Variants in BABAM2 observed in about 807,000 individuals in gnomAD.
The protein encoded by BABAM2 is BRISC and BRCA1-A complex member 2.
Under a neutral mutation model 54.7 loss-of-function variants are expected in BABAM2, and 31 were observed. The ratio of observed to expected loss-of-function variants is 0.57; its 90% CI spans 0.43 to 0.77. The LOEUF (loss-of-function observed/expected upper bound fraction) is 0.77, where lower values mean the gene tolerates loss of function less well. Among genes scored for constraint, BABAM2 ranks in the 30% least tolerant of loss-of-function variants. BABAM2 has a pLI of 0.00. For missense variants in BABAM2, 364 were observed against 455.8 expected (o/e 0.80, Z 1.83); for synonymous variants, 167 against 162.9 (o/e 1.03, Z -0.19).
intron 7 of BABAM2, among the ~76,000 whole-genome samples, chr2:28,175,618 T>C (rs545737723): frequency 6.6e-6 from 1 of 152,368 alleles, no homozygotes; most frequent in South Asian, 2.1e-4. Flanking sequence ...CAGCCACTGC[T>C]AACACAAATG....
intron 6 of BABAM2, among the ~76,000 whole-genome samples, chr2:28,062,557 A>G (rs1199058222): frequency 5.7e-5 from 7 of 123,096 alleles, no homozygotes; most frequent in African/African-American, 2.0e-4. Context: ...GCAAGACTCC[A>G]TCTCAAAAAA....
chr2:28,150,963 A>T (rs1671973652), intron 7 of BABAM2, among the ~76,000 whole-genome samples: 1 of 152,204 alleles, frequency 6.6e-6, no homozygotes, highest in African/African-American at 2.4e-5. Flanking sequence ...AGGGAACCTA[A>T]AGTTAATAGC....
chr2:28,287,742 G>A (rs1686944734), intron 10 of BABAM2, among the ~76,000 whole-genome samples: 1 of 152,156 alleles, frequency 6.6e-6, no homozygotes, highest in Non-Finnish European at 1.5e-5. Context: ...CAGGCCCGAG[G>A]AAATGAGAAT....
chr2:28,186,874 C>T (rs931547021), intron 7 of BABAM2, among the ~76,000 whole-genome samples: 3 of 150,922 alleles, frequency 2.0e-5, no homozygotes, highest in East Asian at 1.9e-4. Context: ...GGCATGATCT[C>T]GGCTCACTGC....
intron 6 of BABAM2, among the ~76,000 whole-genome samples, chr2:28,100,155 A>C (rs1666954730): frequency 6.6e-6 from 1 of 152,124 alleles, no homozygotes; most frequent in Admixed American, 6.5e-5. Flanking sequence ...AGTTTTCTTA[A>C]GATGGCTGCC....
At position 28,018,096 on chromosome 2, in the gene BABAM2, G is replaced by A. The variant is rs572714910; in HGVS notation, c.301-7130G>A. ...TGAGATTGGTACATCCATCACACACGCAGTGTACACTGTGCCCAACGTGTA... is the reference window on the plus strand; with the variant it reads ...TGAGATTGGTACATCCATCACACACACAGTGTACACTGTGCCCAACGTGTA... On this transcript the variant is annotated intron_variant, in intron 4 of 11. Coordinates refer to ENST00000379624, the MANE Select transcript of BABAM2 (RefSeq NM_199191.3). Among the ~76,000 whole-genome samples, 77 of 152,286 alleles carry A rather than the reference G, an allele frequency of 5.1e-4. 4 individuals carry two copies. The South Asian group carries it at 0.015, about 29-fold the overall frequency.
chr2:28,067,971 G>A (rs906123882), intron 6 of BABAM2, among the ~76,000 whole-genome samples: 3 of 151,642 alleles, frequency 2.0e-5, no homozygotes, highest in African/African-American at 4.8e-5. Context: ...TAATATATGC[G>A]TGTATGTAAA....
chr2:28,317,100 C>A (rs1298903972), intron 11 of BABAM2, among the ~76,000 whole-genome samples: 1 of 152,108 alleles, frequency 6.6e-6, no homozygotes, highest in Non-Finnish European at 1.5e-5. Flanking sequence ...TATGCTTTGA[C>A]CCTCCTCTCC....
intron 3 of BABAM2, among the ~76,000 whole-genome samples, chr2:27,974,266 C>T (rs958881487): frequency 1.3e-5 from 2 of 151,968 alleles, no homozygotes; most frequent in African/African-American, 4.8e-5. Flanking sequence ...AACTATAGGC[C>T]AGTATCCCTC....
At chr2:28,026,697 G>A (rs906582204) in intron 5 of BABAM2, among the ~76,000 whole-genome samples, 2 of 136,480 alleles carry the variant, frequency 1.5e-5, no homozygotes, top group Non-Finnish European at 3.0e-5. Flanking sequence ...AAACCTGCAC[G>A]TTCTTCACAT....
intron 5 of BABAM2, among the ~76,000 whole-genome samples, chr2:28,035,891 T>C (rs1488413022): frequency 6.6e-6 from 1 of 152,198 alleles, no homozygotes; most frequent in Non-Finnish European, 1.5e-5. Context: ...TTTTAAATAG[T>C]AGAGGTATCA....
intron 11 of BABAM2, among the ~76,000 whole-genome samples, chr2:28,315,603 G>A (rs987712299): frequency 9.3e-5 from 14 of 151,320 alleles, no homozygotes; most frequent in African/African-American, 3.2e-4. Context: ...AAGTAACCAG[G>A]ATTACAGGTC....
At chr2:28,334,845 C>T (rs374489554) in intron 11 of BABAM2, among the ~76,000 whole-genome samples, 1 of 152,188 alleles carries the variant, frequency 6.6e-6, no homozygotes, top group Admixed American at 6.5e-5. Context: ...CCCAGGGCTT[C>T]TCCTGCCCTG....
At chr2:28,102,392 G>A (rs549133398) in intron 6 of BABAM2, among the ~76,000 whole-genome samples, 2 of 152,108 alleles carry the variant, frequency 1.3e-5, no homozygotes, top group South Asian at 2.1e-4. Context: ...CTCATATTTT[G>A]TTACATTTTA....
At chr2:27,918,881 G>T (rs998422620) in intron 2 of BABAM2, among the ~76,000 whole-genome samples, 1 of 151,888 alleles carries the variant, frequency 6.6e-6, no homozygotes, top group Admixed American at 6.6e-5. Context: ...GTAGAGACAG[G>T]GTTTCTCCAT....
chr2:28,122,811 G>A (rs1246438608), intron 6 of BABAM2, among the ~76,000 whole-genome samples: 1 of 151,998 alleles, frequency 6.6e-6, no homozygotes, highest in Non-Finnish European at 1.5e-5. Context: ...TTTGATATTT[G>A]CAAAGAGCCT....
chr2:27,944,032 TTTAA>T (rs1427158542), intron 3 of BABAM2, among the ~76,000 whole-genome samples: 2 of 152,164 alleles, frequency 1.3e-5, no homozygotes, highest in African/African-American at 2.4e-5. Flanking sequence ...ATAAAGTCAG[TTTAA>T]TTATAGCTAT....
chr2:27,990,466 T>C (rs1672703222), intron 4 of BABAM2, among the ~76,000 whole-genome samples: 1 of 152,190 alleles, frequency 6.6e-6, no homozygotes, highest in Non-Finnish European at 1.5e-5. Context: ...CTAGTCTACA[T>C]ATGGTTCTGA....
At chr2:28,220,549 GTCTGTCTCTATC>G (rs1259837236) in intron 7 of BABAM2, among the ~76,000 whole-genome samples, 2 of 151,460 alleles carry the variant, frequency 1.3e-5, no homozygotes, top group Non-Finnish European at 1.5e-5. Flanking sequence ...CCATCTCTAT[GTCTGTCTCTATC>G]TCTGTCTCTC....
Sources: allele counts gnomAD v4.1 joint callset (sites outside exome capture counted in the v4.1 genomes callset), GRCh38; gene constraint gnomAD v4.1.1; transcripts MANE v1.5; gene names NCBI Gene and HGNC (gene_info 2026-07-23, HGNC 2026-07-21).